ATP2B1: variants seen among roughly 807,000 people sequenced by gnomAD.
The protein encoded by ATP2B1 is ATPase plasma membrane Ca2+ transporting 1, also known as plasma membrane calcium-transporting ATPase 1.
ATP2B1 carries 14 observed loss-of-function variants against 124.2 expected under a neutral mutation model. The ratio of observed to expected loss-of-function variants is 0.11; its 90% CI spans 0.07 to 0.18. The LOEUF (loss-of-function observed/expected upper bound fraction) is 0.18, where lower values mean the gene tolerates loss of function less well. Among genes scored for constraint, ATP2B1 ranks in the 10% least tolerant of loss-of-function variants. The probability of loss-of-function intolerance (pLI) is 1.00; values close to 1 mark genes in which losing one functional copy is unlikely to be tolerated. For missense variants in ATP2B1, 763 were observed against 1,466.1 expected, an observed-to-expected ratio of 0.52 and a Z score of 7.83; for synonymous variants, 449 against 492.4, an observed-to-expected ratio of 0.91 and a Z score of 1.17.
intron 5 of ATP2B1, among the ~76,000 whole-genome samples, chr12:89,631,733 T>C (rs1881891471): frequency 6.6e-6 from 1 of 152,138 alleles, no homozygotes; most frequent in Non-Finnish European, 1.5e-5. Flanking sequence ...ATGGATTAAA[T>C]TCTATGTCCC....
rs540097524 is a variant in ATP2B1 at position 89,599,397 on chromosome 12, C to T, written c.3169-98G>A. The T allele has an allele frequency of 3.3e-5, 43 of 1,295,126 alleles. No individual in the cohort carries two copies. In the East Asian group the frequency reaches 8.0e-4, roughly 24 times the overall value. The allele number at this position is 1,295,126 out of a possible 1,614,324, so 80.2% of individuals were successfully genotyped here. A position where few individuals can be genotyped will look rare whatever the true frequency, so the allele number is the denominator to read the frequency against. On this transcript the variant is annotated intron_variant, in intron 19 of 20. Coordinates refer to ENST00000428670, the MANE Select transcript of ATP2B1 (RefSeq NM_001366521.1). ...AGGTATTAAAAGTGGTGAGAGTATCCGACTATCTTTACCAATGAAGTAATG... is the reference window on the plus strand; with the variant it reads ...AGGTATTAAAAGTGGTGAGAGTATCTGACTATCTTTACCAATGAAGTAATG...
At chr12:89,703,407 T>G (rs796572077) in intron 1 of ATP2B1, among the ~76,000 whole-genome samples, 1 of 152,224 alleles carries the variant, frequency 6.6e-6, no homozygotes, top group African/African-American at 2.4e-5. Flanking sequence ...CTAATATTCT[T>G]GGAAGATCTA....
chr12:89,656,167 A>C, intron 1 of ATP2B1, 60 bp from the exon 2 acceptor site: 1 of 404,646 alleles, frequency 2.5e-6, no homozygotes, highest in Non-Finnish European at 4.4e-6. Context: ...TATGCATGTA[A>C]GCATATTTTC....
intron 3 of ATP2B1, among the ~76,000 whole-genome samples, chr12:89,636,081 GA>G (rs1488797164): frequency 1.3e-5 from 2 of 152,110 alleles, no homozygotes; most frequent in African/African-American, 4.8e-5. Context: ...AGTGAGCAGA[GA>G]AGGCCCCATT....
At chr12:89,651,617 CAAAATTTTTTTCACCATGTAATTCCA>C (rs1248961730) in intron 2 of ATP2B1, among the ~76,000 whole-genome samples, 1 of 152,026 alleles carries the variant, frequency 6.6e-6, no homozygotes, top group Non-Finnish European at 1.5e-5. Context: ...AACCTTAAAC[CAAAATTTTTTTCACCATGTAATTCCA>C]AAAATTTTTT....
intron 1 of ATP2B1, among the ~76,000 whole-genome samples, chr12:89,696,453 TACA>T (rs750541278): frequency 5.3e-5 from 8 of 152,192 alleles, no homozygotes; most frequent in African/African-American, 1.2e-4. Flanking sequence ...AGCCATAGGA[TACA>T]ACATTATTAA....
At chr12:89,670,076 A>G (rs573996579) in intron 1 of ATP2B1, among the ~76,000 whole-genome samples, 57 of 152,330 alleles carry the variant, frequency 3.7e-4, no homozygotes, top group African/African-American at 1.2e-3. Flanking sequence ...AGATTTAAAA[A>G]TAATGACTAG....
At chr12:89,598,761 T>C (rs1224192237) in intron 20 of ATP2B1, 6 of 1,613,112 alleles carry the variant, frequency 3.7e-6, no homozygotes, top group East Asian at 2.2e-5. Flanking sequence ...GAATCAGAGA[T>C]TGTGACAGCT....
intron 1 of ATP2B1, among the ~76,000 whole-genome samples, chr12:89,670,081 G>A (rs1162987660): frequency 6.6e-6 from 1 of 152,058 alleles, no homozygotes; most frequent in East Asian, 1.9e-4. Context: ...TAAAAATAAT[G>A]ACTAGGAAAT....
rs1565787959 is a variant in ATP2B1, at chr12:89,591,081, G to C, written c.3566C>G (p.Ala1189Gly). The C allele has an allele frequency of 6.2e-7, 1 of 1,613,280 alleles. No homozygotes were observed. Among genetic ancestry groups the C allele is most frequent in the Non-Finnish European group, 8.5e-7 (1 of 1,179,412 alleles). Residue 1189 changes from alanine to glycine, a missense_variant, in exon 21 of 21, where the codon GCT becomes GGT. Physicochemically the swap from Ala to Gly is moderately conservative, Grantham distance 60 (BLOSUM62 0). Transcript: ENST00000428670. ...PPPSPNKNNN[A>G]VDSGIHLTIE... The stretch of plus-strand genomic sequence containing the variant: ...TGTAAGGTGAATTCCACTGTCAACA[G>C]CATTGTTATTTTTGTTGGGAGAGGG...
At chr12:89,638,774 A>T (rs116589318) in intron 3 of ATP2B1, among the ~76,000 whole-genome samples, 2,510 of 152,306 alleles carry the variant, frequency 0.016, 68 homozygotes, top group African/African-American at 0.058. Context: ...AAATATTTTG[A>T]TATATGTATA....
At chr12:89,655,388 A>G (rs933616896) in intron 2 of ATP2B1, among the ~76,000 whole-genome samples, 2 of 152,228 alleles carry the variant, frequency 1.3e-5, no homozygotes, top group African/African-American at 4.8e-5. Context: ...TCCATCCTCT[A>G]TAGCTCAAAG....
At chr12:89,676,396 T>C (rs550447253) in intron 1 of ATP2B1, among the ~76,000 whole-genome samples, 10 of 152,222 alleles carry the variant, frequency 6.6e-5, no homozygotes, top group African/African-American at 2.4e-4. Flanking sequence ...AGAACACTCA[T>C]CTTAAAGTCA....
chr12:89,687,308 C>T (rs567392850), intron 1 of ATP2B1, among the ~76,000 whole-genome samples: 3 of 152,216 alleles, frequency 2.0e-5, no homozygotes, highest in African/African-American at 7.2e-5. Context: ...AGTACAGTAA[C>T]ATGCTATATG....
rs557286357 is a variant in ATP2B1, at chr12:89,627,319, T to C, written c.967+359A>G. ...TGTGTAGAAGGTGTATATGGCAATG[T>C]ATAAATAAATTTCGTGTTTGGAGTT... is the stretch of plus-strand genomic sequence containing the variant. On this transcript the variant is annotated intron_variant, in intron 7 of 20. Coordinates refer to ENST00000428670, the MANE Select transcript of ATP2B1 (RefSeq NM_001366521.1). Among the ~76,000 whole-genome samples, 24 of 151,220 alleles carry C rather than the reference T, an allele frequency of 1.6e-4. No homozygotes were observed. The South Asian group carries it at 5.0e-3, about 31-fold the overall frequency.
At chr12:89,605,518 C>T (rs190626779) in intron 15 of ATP2B1, among the ~76,000 whole-genome samples, 3 of 152,272 alleles carry the variant, frequency 2.0e-5, no homozygotes, top group Non-Finnish European at 4.4e-5. Context: ...AAGGTCCTCA[C>T]CAGATGCTGG....
intron 15 of ATP2B1, among the ~76,000 whole-genome samples, chr12:89,609,207 C>T (rs1008794099): frequency 2.0e-5 from 3 of 152,076 alleles, no homozygotes; most frequent in Non-Finnish European, 4.4e-5. Flanking sequence ...CTCAATTTTC[C>T]CAAAAGAGCT....
At chr12:89,638,838 A>G (rs753331039) in intron 3 of ATP2B1, among the ~76,000 whole-genome samples, 7 of 152,174 alleles carry the variant, frequency 4.6e-5, no homozygotes, top group Non-Finnish European at 1.0e-4. Flanking sequence ...TCATATAGTT[A>G]CTTTTGTGGT....
intron 11 of ATP2B1, among the ~76,000 whole-genome samples, chr12:89,619,363 G>A (rs1385629466): frequency 6.6e-6 from 1 of 152,128 alleles, no homozygotes; most frequent in Non-Finnish European, 1.5e-5. Context: ...TGTAATCCCA[G>A]CACTTTGGGA....
Sources: gnomAD v4.1 joint callset for allele counts (sites outside exome capture counted in the v4.1 genomes callset) on GRCh38, gnomAD v4.1.1 for gene constraint, MANE v1.5 for transcripts, NCBI Gene and HGNC (gene_info 2026-07-23, HGNC 2026-07-21) for gene names.